Variants in TEX14 observed in about 807,000 individuals in gnomAD.
TEX14 encodes inactive serine/threonine-protein kinase TEX14.
A neutral mutation model predicts 178.6 loss-of-function variants in TEX14; 168 were observed. That is an observed-to-expected ratio of 0.94 (90% confidence interval 0.83 to 1.07). The LOEUF (loss-of-function observed/expected upper bound fraction) is 1.07, where lower values mean the gene tolerates loss of function less well. TEX14 is among the 50% of genes least tolerant of loss of function. The pLI is 0.00. For missense variants in TEX14, 1,730 were observed against 1,753.6 expected, an observed-to-expected ratio of 0.99 and a Z score of 0.24; for synonymous variants, 626 against 634.1, an observed-to-expected ratio of 0.99 and a Z score of 0.19.
In TEX14 at chr17:58,644,342, G is replaced by GA. The variant is rs1567755163; in HGVS notation, c.136+7523_136+7524insT. On this transcript the variant is annotated intron_variant, in intron 2 of 31. Coordinates refer to ENST00000349033, the MANE Select transcript of TEX14 (RefSeq NM_031272.5). ...CTTACTTTTGGCTGTTTTTGTTTTT[G>GA]TTTTTTTTGAGACGGAGTCTCGCTC... Among the ~76,000 whole-genome samples the GA allele has an allele frequency of 9.9e-5, 15 of 151,808 alleles. No homozygotes were observed. In the South Asian group the frequency reaches 3.1e-3, roughly 32 times the overall value.
At chr17:58,573,950 C>T (rs978074128) in intron 22 of TEX14, among the ~76,000 whole-genome samples, 1 of 152,060 alleles carries the variant, frequency 6.6e-6, no homozygotes, top group African/African-American at 2.4e-5. Context: ...CTACCTTAAG[C>T]GTAAACTTAT....
intron 3 of TEX14, among the ~76,000 whole-genome samples, chr17:58,629,496 C>T (rs2046230187): frequency 6.8e-6 from 1 of 147,624 alleles, no homozygotes; most frequent in African/African-American, 2.5e-5. Context: ...TCACCTGTCA[C>T]TGATTCACTG....
intron 1 of TEX14, among the ~76,000 whole-genome samples, chr17:58,683,998 G>C (rs1361535670): frequency 6.6e-6 from 1 of 152,074 alleles, no homozygotes; most frequent in Admixed American, 6.6e-5. Context: ...CCGAGAGACG[G>C]AGGTTGCAGT....
intron 15 of TEX14, among the ~76,000 whole-genome samples, chr17:58,593,256 G>T (rs887921743): frequency 2.2e-4 from 33 of 152,296 alleles, no homozygotes; most frequent in African/African-American, 7.7e-4. Flanking sequence ...AATACCTGGT[G>T]TTTGTTTTTA....
chr17:58,590,882 T>G (rs566341041), intron 15 of TEX14, among the ~76,000 whole-genome samples: 1 of 139,048 alleles, frequency 7.2e-6, no homozygotes, highest in Non-Finnish European at 1.6e-5. Context: ...GTTTACAGGG[T>G]TTTTTTTTTT....
In TEX14 at chr17:58,567,260, T is replaced by C. The variant is rs1023741082; in HGVS notation, c.3887-1436A>G. Among the ~76,000 whole-genome samples, 17 of 152,134 alleles carry C rather than the reference T, an allele frequency of 1.1e-4. 1 individual carries two copies. Among genetic ancestry groups the C allele is most frequent in the Admixed American group, 4.6e-4 (7 of 15,274 alleles). On this transcript the variant is annotated intron_variant, in intron 26 of 31. Coordinates refer to ENST00000349033, the MANE Select transcript of TEX14 (RefSeq NM_031272.5). ...TCTGCTAACTCAGTATGCTGCTTTA[T>C]CCTCAAAGTGCTCTGCAAAGCAAAG... is the stretch of plus-strand genomic sequence containing the variant.
chr17:58,673,015 A>G (rs2047328471), intron 1 of TEX14, among the ~76,000 whole-genome samples: 1 of 152,050 alleles, frequency 6.6e-6, no homozygotes, highest in Non-Finnish European at 1.5e-5. Context: ...TACAGGCATG[A>G]GCCACCACGC....
intron 3 of TEX14, among the ~76,000 whole-genome samples, chr17:58,628,701 G>C (rs1316470958): frequency 1.3e-5 from 2 of 149,028 alleles, no homozygotes; most frequent in Non-Finnish European, 3.0e-5. Context: ...AACAGAGTGA[G>C]ACTCTGTCTC....
At chr17:58,643,649 C>A (rs2046625204) in intron 2 of TEX14, among the ~76,000 whole-genome samples, 1 of 151,708 alleles carries the variant, frequency 6.6e-6, no homozygotes, top group African/African-American at 2.4e-5. Context: ...GCAGGCAGAT[C>A]CCCTGAGGTC....
At chr17:58,567,641 G>A (rs961633535) in intron 26 of TEX14, 50 of 152,152 alleles carry the variant, frequency 3.3e-4, no homozygotes, top group African/African-American at 1.1e-3. Context: ...ACAACAGAGT[G>A]ATGATATATA....
intron 19 of TEX14, chr17:58,581,527 A>C: frequency 6.9e-7 from 1 of 1,445,586 alleles, no homozygotes; most frequent in South Asian, 1.2e-5. Flanking sequence ...ACATACTTTG[A>C]TATGTAAGCT....
intron 3 of TEX14, among the ~76,000 whole-genome samples, chr17:58,626,557 G>A (rs576090608): frequency 1.2e-5 from 1 of 84,738 alleles, no homozygotes; most frequent in African/African-American, 4.8e-5. Flanking sequence ...GCGACAGGGT[G>A]AGACTCCATC....
chr17:58,561,685 T>G, intron 28 of TEX14, 73 bp from the exon 29 acceptor site: 1 of 994,950 alleles, frequency 1.0e-6, no homozygotes, highest in Admixed American at 1.9e-5. Context: ...TGCATAACAC[T>G]TTAGAGTAGA....
intron 5 of TEX14, among the ~76,000 whole-genome samples, chr17:58,617,843 G>A (rs1027825705): frequency 1.3e-5 from 2 of 152,152 alleles, no homozygotes; most frequent in African/African-American, 4.8e-5. Flanking sequence ...GTCACATGGG[G>A]CTGACCTGTT....
chr17:58,600,911 G>A (rs2045418566), intron 13 of TEX14, among the ~76,000 whole-genome samples: 1 of 152,216 alleles, frequency 6.6e-6, no homozygotes, highest in African/African-American at 2.4e-5. Flanking sequence ...TGACTGCAAG[G>A]TCCTTTCCAG....
Position 58,569,348 on chromosome 17 carries a change from C to T in TEX14, c.3818-88G>A. 1 of 950,096 alleles carries T rather than the reference C, an allele frequency of 1.1e-6. No homozygotes were observed. The highest frequency in any genetic ancestry group is 2.5e-5 in the East Asian group (1 of 39,894). 58.9% of individuals were successfully genotyped at this position (950,096 alleles called of 1,614,324 possible). ...TTTCTCGGCTCTCACATAGACTTGACTGAGGATTTCTCTCAATGATGAAAC... is the reference window on the plus strand; with the variant it reads ...TTTCTCGGCTCTCACATAGACTTGATTGAGGATTTCTCTCAATGATGAAAC... On this transcript the variant is annotated intron_variant, in intron 25 of 31. Coordinates refer to ENST00000349033, the MANE Select transcript of TEX14 (RefSeq NM_031272.5). The surrounding 1 kb of genome is among the most constrained non-coding windows in gnomAD (Gnocchi z 4.1).
intron 5 of TEX14, among the ~76,000 whole-genome samples, chr17:58,619,381 A>C (rs2045945572): frequency 6.6e-6 from 1 of 152,178 alleles, no homozygotes; most frequent in Admixed American, 6.5e-5. Flanking sequence ...TCTGTCCTCA[A>C]CTCAGTGCTT....
At chr17:58,564,473 T>C (rs190872833) in intron 28 of TEX14, among the ~76,000 whole-genome samples, 14 of 152,212 alleles carry the variant, frequency 9.2e-5, no homozygotes, top group African/African-American at 3.1e-4. Flanking sequence ...GTCAAACTCA[T>C]AGAAACAAAA....
At chr17:58,660,512 A>G in intron 1 of TEX14, 1 of 715,400 alleles carries the variant, frequency 1.4e-6, no homozygotes, top group South Asian at 1.6e-5. Context: ...AGGGAGGGGA[A>G]GGCTGCATGG....
Sources: allele counts gnomAD v4.1 joint callset (sites outside exome capture counted in the v4.1 genomes callset), GRCh38; gene constraint gnomAD v4.1.1; non-coding constraint Gnocchi (gnomAD v3.1); transcripts MANE v1.5; gene names NCBI Gene and HGNC (gene_info 2026-07-23, HGNC 2026-07-21).